KLF17: variants seen among roughly 807,000 people sequenced by gnomAD.
The protein encoded by KLF17 is KLF transcription factor 17, also known as Krueppel-like factor 17.
Under a neutral mutation model 34.2 loss-of-function variants are expected in KLF17, and 31 were observed. That is an observed-to-expected ratio of 0.91 (90% CI 0.68 to 1.22). The LOEUF (loss-of-function observed/expected upper bound fraction) is 1.22, where lower values mean the gene tolerates loss of function less well. Among genes scored for constraint, KLF17 ranks in the 50% most tolerant of loss-of-function variants. The pLI, the probability that KLF17 is intolerant of heterozygous loss-of-function variation, is 0.00. For synonymous variants in KLF17, 179 were observed against 186.7 expected (o/e 0.96, Z 0.34); for missense variants, 478 against 505.2 (o/e 0.95, Z 0.52).
At chr1:44,110,798 C>T in the KLF17 span, among the ~76,000 whole-genome samples, 2 of 151,906 alleles carry the variant, frequency 1.3e-5, no homozygotes, top group African/African-American at 4.8e-5. Context: ...ATTATAGAAC[C>T]TAACTACTAC....
intron 1 of KLF17, among the ~76,000 whole-genome samples, chr1:44,127,683 T>TTTCTTTC (rs1557731984): frequency 1.1e-3 from 29 of 25,494 alleles, no homozygotes; most frequent in African/African-American, 2.3e-3. Context: ...TCTTTCTTTC[T>TTTCTTTC]TTCTTTCTTT....
chr1:44,087,755 TATATATATATATATACACACACAC>T, the KLF17 span, among the ~76,000 whole-genome samples: 14 of 68,044 alleles, frequency 2.1e-4, no homozygotes, highest in Non-Finnish European at 3.1e-4. Flanking sequence ...TATATATATA[TATATATATATATATACACACACAC>T]ACACACACAC....
chr1:44,074,422 T>C, the KLF17 span, among the ~76,000 whole-genome samples: 1 of 152,200 alleles, frequency 6.6e-6, no homozygotes, highest in Non-Finnish European at 1.5e-5. Flanking sequence ...CTGTTCCACC[T>C]CTCTCCCCTT....
intron 1 of KLF17, among the ~76,000 whole-genome samples, chr1:44,128,472 A>T (rs1033868090): frequency 3.3e-5 from 5 of 151,658 alleles, no homozygotes; most frequent in African/African-American, 1.2e-4. Flanking sequence ...CTTCCAGACA[A>T]CCCCCATCCC....
chr1:44,127,362 C>CCTTTCTTA (rs1557731507), intron 1 of KLF17, among the ~76,000 whole-genome samples: 2 of 152,034 alleles, frequency 1.3e-5, no homozygotes, highest in African/African-American at 4.8e-5. Flanking sequence ...GTCCAGTGTC[C>CCTTTCTTA]CTTTCTTATC....
the KLF17 span, among the ~76,000 whole-genome samples, chr1:44,092,029 C>T: frequency 8.6e-6 from 1 of 116,042 alleles, no homozygotes; most frequent in Non-Finnish European, 1.8e-5. Flanking sequence ...AGAACTACTG[C>T]ATTAAAAAAA....
At chr1:44,093,096 T>C in the KLF17 span, among the ~76,000 whole-genome samples, 1 of 152,220 alleles carries the variant, frequency 6.6e-6, no homozygotes, top group Non-Finnish European at 1.5e-5. Flanking sequence ...ACAGTTTTGC[T>C]TGATGTGATC....
chr1:44,094,193 GTT>G, the KLF17 span, among the ~76,000 whole-genome samples: 66 of 150,962 alleles, frequency 4.4e-4, no homozygotes, highest in African/African-American at 1.4e-3. Context: ...CAGGTTATTT[GTT>G]TTTTTTTTCC....
At chr1:44,130,910 C>T (rs1410787227) in intron 3 of KLF17, among the ~76,000 whole-genome samples, 154 bp downstream of exon 3, 3 of 152,204 alleles carry the variant, frequency 2.0e-5, no homozygotes, top group African/African-American at 7.2e-5. Flanking sequence ...ATTTTCCTGC[C>T]TCAGCCTCCC....
chr1:44,069,732 G>A, the KLF17 span: 2 of 152,180 alleles, frequency 1.3e-5, no homozygotes. This position sits in a 1 kb window ranked among gnomAD's most constrained non-coding sequence, Gnocchi z 4.7. Context: ...TCCTAACTTT[G>A]GGGGATGCTG....
chr1:44,115,578 A>G (rs1571980174), upstream of KLF17: 1 of 152,024 alleles, frequency 6.6e-6, no homozygotes, highest in African/African-American at 2.4e-5. Context: ...GAAATATGTT[A>G]CTGAATTTGA....
the KLF17 span, among the ~76,000 whole-genome samples, chr1:44,092,411 C>G: frequency 6.6e-6 from 1 of 152,118 alleles, no homozygotes; most frequent in African/African-American, 2.4e-5. Flanking sequence ...ATCTTGGAGA[C>G]CACTCTCATT....
chr1:44,121,407 G>A (rs1407080981), intron 1 of KLF17, among the ~76,000 whole-genome samples: 3 of 152,264 alleles, frequency 2.0e-5, no homozygotes, highest in African/African-American at 2.4e-5. Context: ...GAGCCGCCAC[G>A]CCCAGCCGAT....
At chr1:44,119,656 G>A (rs751037602) in intron 1 of KLF17, among the ~76,000 whole-genome samples, 2 of 152,124 alleles carry the variant, frequency 1.3e-5, no homozygotes, top group East Asian at 1.9e-4. Context: ...TCTGTTCTGG[G>A]ACTAAAGAAC....
At chr1:44,077,887 A>G in the KLF17 span, among the ~76,000 whole-genome samples, 1 of 152,176 alleles carries the variant, frequency 6.6e-6, no homozygotes, top group Non-Finnish European at 1.5e-5. Context: ...GTCTCAGTGG[A>G]GGGAATGTCA....
At chr1:44,070,590 C>CTTTTTTT in the KLF17 span, among the ~76,000 whole-genome samples, 4 of 78,680 alleles carry the variant, frequency 5.1e-5, 1 homozygote, top group African/African-American at 9.8e-5. Context: ...TTTCCCTTGT[C>CTTTTTTT]TTTTTTTTTT....
rs941854099 is a variant in KLF17, at chr1:44,133,884, C to T, written c.*647C>T. On this transcript the variant is annotated 3_prime_UTR_variant, in exon 4 of 4. Transcript: ENST00000372299. ...GGGGCAGAAGTGGCTCATTTATGAC[C>T]CATTCACTAGCCCCAGGGATTGAAG... 1.3e-5 allele frequency: 2 copies of T among 152,206 alleles called. No individual in the cohort carries two copies. Among genetic ancestry groups the T allele is most frequent in the Non-Finnish European group, 2.9e-5 (2 of 68,060 alleles). The allele number at this position is 152,206 out of a possible 1,614,324, so 9.4% of individuals were successfully genotyped here.
chr1:44,118,423 G>T (rs1245675382), upstream of KLF17, among the ~76,000 whole-genome samples: 1 of 152,156 alleles, frequency 6.6e-6, no homozygotes, highest in Admixed American at 6.5e-5. Context: ...CCCTTCCAAA[G>T]CTTATGGCAA....
the KLF17 span, chr1:44,104,787 C>T: frequency 2.3e-4 from 50 of 221,456 alleles, no homozygotes; most frequent in Non-Finnish European, 3.6e-4. Flanking sequence ...TATATTTATA[C>T]GATGGAAACT....
Sources: gnomAD v4.1 joint callset for allele counts (sites outside exome capture counted in the v4.1 genomes callset) on GRCh38, gnomAD v4.1.1 for gene constraint, Gnocchi (gnomAD v3.1) non-coding constraint, MANE v1.5 for transcripts, NCBI Gene and HGNC (gene_info 2026-07-23, HGNC 2026-07-21) for gene names.